ADAMTS12: variants seen among roughly 807,000 people sequenced by gnomAD.
ADAMTS12 encodes ADAM metallopeptidase with thrombospondin type 1 motif 12, also known as A disintegrin and metalloproteinase with thrombospondin motifs 12.
A neutral mutation model predicts 167.8 loss-of-function variants in ADAMTS12; 118 were observed. The ratio of observed to expected loss-of-function variants is 0.70; its 90% confidence interval spans 0.61 to 0.82. The LOEUF is 0.82. ADAMTS12 is among the 40% of genes least tolerant of loss of function. The pLI is 0.00. For missense variants in ADAMTS12, 1,916 were observed against 1,998.8 expected (o/e 0.96, Z 0.79); for synonymous variants, 704 against 716.9 (o/e 0.98, Z 0.29).
intron 7 of ADAMTS12, among the ~76,000 whole-genome samples, chr5:33,654,096 C>G (rs1740958333): frequency 6.6e-6 from 1 of 152,014 alleles, no homozygotes; most frequent in African/African-American, 2.4e-5. Context: ...ACTGTTGAGC[C>G]CTAGTGTTCA....
At chr5:33,818,042 T>G (rs1047107010) in intron 2 of ADAMTS12, among the ~76,000 whole-genome samples, 1 of 152,162 alleles carries the variant, frequency 6.6e-6, no homozygotes, top group African/African-American at 2.4e-5. Context: ...AGGATATATG[T>G]AGACAGCAAA....
At chr5:33,736,617 T>C (rs977449676) in intron 3 of ADAMTS12, among the ~76,000 whole-genome samples, 4 of 152,214 alleles carry the variant, frequency 2.6e-5, no homozygotes, top group Non-Finnish European at 5.9e-5. Flanking sequence ...GTTTACAGAA[T>C]GGGCAGTGTG....
At position 33,719,078 on chromosome 5, in the gene ADAMTS12, G is replaced by T. The variant is rs1023192072; in HGVS notation, c.634+32326C>A. On this transcript the variant is annotated intron_variant, in intron 3 of 23. Transcript: ENST00000504830. ...CTTAATCTTCCTCACAGCCCTGTGA[G>T]ATGGGTGTGATTGTGCTCATTTTGT... 3.9e-5 allele frequency among the ~76,000 whole-genome samples: 6 copies of T among 152,280 alleles called. 1 individual carries two copies. The highest frequency in any genetic ancestry group is 3.9e-4 in the Admixed American group (6 of 15,296).
intron 2 of ADAMTS12, among the ~76,000 whole-genome samples, chr5:33,839,118 T>C (rs765387198): frequency 6.6e-6 from 1 of 152,328 alleles, no homozygotes; most frequent in East Asian, 1.9e-4. Flanking sequence ...CAGAAGAGCG[T>C]TGAGATCAAG....
chr5:33,658,366 C>A, intron 6 of ADAMTS12, 33 bp from the exon 7 acceptor site: 1 of 1,604,182 alleles, frequency 6.2e-7, no homozygotes, highest in South Asian at 1.1e-5. Flanking sequence ...CTAAGGCGCC[C>A]AAAGGAACAT....
intron 3 of ADAMTS12, among the ~76,000 whole-genome samples, chr5:33,692,780 C>G (rs1235420889): frequency 4.6e-5 from 7 of 152,170 alleles, no homozygotes; most frequent in Non-Finnish European, 1.0e-4. Flanking sequence ...TACCTTCAGT[C>G]TGTTAACATA....
At chr5:33,567,188 A>T (rs1746058568) in intron 19 of ADAMTS12, among the ~76,000 whole-genome samples, 1 of 152,152 alleles carries the variant, frequency 6.6e-6, no homozygotes, top group Non-Finnish European at 1.5e-5. Flanking sequence ...TCATATTTTA[A>T]TGGTTCTGAT....
intron 2 of ADAMTS12, among the ~76,000 whole-genome samples, chr5:33,854,168 C>A (rs912327628): frequency 6.6e-6 from 1 of 152,148 alleles, no homozygotes; most frequent in Admixed American, 6.5e-5. Flanking sequence ...AAAAACCAGG[C>A]CTCTTGTTTT....
chr5:33,549,086 A>G, intron 21 of ADAMTS12, 121 bp downstream of exon 21: 3 of 1,275,864 alleles, frequency 2.4e-6, no homozygotes, highest in Non-Finnish European at 3.2e-6. Context: ...CACTGAACAG[A>G]GGCCAGTCAT....
intron 2 of ADAMTS12, among the ~76,000 whole-genome samples, chr5:33,797,855 T>C (rs1172487112): frequency 2.0e-5 from 3 of 152,222 alleles, no homozygotes; most frequent in African/African-American, 7.2e-5. Context: ...TACACAAACA[T>C]ATACTAGCTA....
rs1741134439 is a variant in ADAMTS12, at chr5:33,658,335, T to C, written c.1041-2A>G. On this transcript the variant is annotated splice_acceptor_variant, in intron 6 of 23. Coordinates refer to ENST00000504830, the MANE Select transcript of ADAMTS12 (RefSeq NM_030955.4). LOFTEE classifies it high-confidence loss of function. ...TTGAAACCAGCACAGATGTCCTTTC[T>C]GAAAGCAGAGAATACAGAAGCTAAG... The C allele has an allele frequency of 6.2e-7, 1 of 1,613,058 alleles. No homozygotes were observed. The highest frequency in any genetic ancestry group is 8.5e-7 in the Non-Finnish European group (1 of 1,179,408).
chr5:33,624,384 A>C (rs1739481129), intron 13 of ADAMTS12, 33 bp from the exon 14 acceptor site: 2 of 1,613,120 alleles, frequency 1.2e-6, no homozygotes, highest in Admixed American at 3.3e-5. Context: ...ATGAATGCCC[A>C]GGCAGGGGAT....
chr5:33,820,722 C>G (rs954827618), intron 2 of ADAMTS12, among the ~76,000 whole-genome samples: 1 of 152,062 alleles, frequency 6.6e-6, no homozygotes, highest in Non-Finnish European at 1.5e-5. Flanking sequence ...CATAGACAAC[C>G]TAAATGCCCA....
At chr5:33,835,241 T>C (rs1748463148) in intron 2 of ADAMTS12, among the ~76,000 whole-genome samples, 1 of 152,196 alleles carries the variant, frequency 6.6e-6, no homozygotes, top group Non-Finnish European at 1.5e-5. Context: ...AGGGGGGCCA[T>C]GTCTGTTTTA....
intron 20 of ADAMTS12, among the ~76,000 whole-genome samples, chr5:33,551,568 T>C (rs1324139849): frequency 6.6e-6 from 1 of 152,192 alleles, no homozygotes; most frequent in Non-Finnish European, 1.5e-5. Context: ...CAAGAGTACT[T>C]TTTATTAGGA....
chr5:33,737,537 C>T (rs1027370898), intron 3 of ADAMTS12, among the ~76,000 whole-genome samples: 1 of 151,986 alleles, frequency 6.6e-6, no homozygotes, highest in Non-Finnish European at 1.5e-5. Flanking sequence ...TGAACTGTAC[C>T]CTTAAAAGTG....
intron 2 of ADAMTS12, among the ~76,000 whole-genome samples, chr5:33,787,801 A>G (rs1746383085): frequency 6.6e-6 from 1 of 152,196 alleles, no homozygotes; most frequent in South Asian, 2.1e-4. Flanking sequence ...TACAGAAAAG[A>G]GCGTGATATT....
intron 19 of ADAMTS12, among the ~76,000 whole-genome samples, chr5:33,572,262 T>C (rs1746397140): frequency 1.3e-5 from 2 of 152,006 alleles, no homozygotes; most frequent in African/African-American, 4.8e-5. Flanking sequence ...GCCAGCATCA[T>C]CCTGATACCA....
intron 17 of ADAMTS12, among the ~76,000 whole-genome samples, chr5:33,591,699 A>G (rs1747644599): frequency 1.3e-5 from 2 of 152,036 alleles, no homozygotes; most frequent in East Asian, 1.9e-4. Context: ...CCCAGTCTCA[A>G]CGATCTTATT....
Sources: allele counts gnomAD v4.1 joint callset (sites outside exome capture counted in the v4.1 genomes callset), GRCh38; gene constraint gnomAD v4.1.1; transcripts MANE v1.5; gene names NCBI Gene and HGNC (gene_info 2026-07-23, HGNC 2026-07-21).